The following IGSF11 variants were observed in gnomAD, a reference collection of about 807,000 sequenced individuals.
The protein encoded by IGSF11 is immunoglobulin superfamily member 11, also known as CXADR like 1.
Under a neutral mutation model 41.0 loss-of-function variants are expected in IGSF11, and 22 were observed. That is an observed-to-expected ratio of 0.54 (90% CI 0.38 to 0.77). IGSF11 has a LOEUF of 0.77. Among genes scored for constraint, IGSF11 ranks in the 30% least tolerant of loss-of-function variants. The pLI, the probability that IGSF11 is intolerant of heterozygous loss-of-function variation, is 0.00. For synonymous variants in IGSF11, 219 were observed against 201.3 expected (o/e 1.09, Z -0.74); for missense variants, 444 against 530.8 (o/e 0.84, Z 1.61).
At chr3:119,023,547 C>G (rs1939525208) in intron 1 of IGSF11, among the ~76,000 whole-genome samples, 1 of 152,102 alleles carries the variant, frequency 6.6e-6, no homozygotes, top group Non-Finnish European at 1.5e-5. Flanking sequence ...ACGCACCCCC[C>G]ACACCCAGTT....
At chr3:119,052,652 A>G (rs1941672795) in intron 1 of IGSF11, among the ~76,000 whole-genome samples, 1 of 152,178 alleles carries the variant, frequency 6.6e-6, no homozygotes, top group South Asian at 2.1e-4. Flanking sequence ...TGAATCCAGT[A>G]TTACCCTAAT....
intron 4 of IGSF11, among the ~76,000 whole-genome samples, chr3:118,917,186 C>G (rs1297111732): frequency 6.8e-6 from 1 of 146,502 alleles, no homozygotes; most frequent in Non-Finnish European, 1.5e-5. Context: ...CCTAACATCA[C>G]AATTAAAAGA....
intron 1 of IGSF11, among the ~76,000 whole-genome samples, chr3:119,122,475 C>T (rs905756240): frequency 6.6e-6 from 1 of 152,192 alleles, no homozygotes; most frequent in African/African-American, 2.4e-5. Flanking sequence ...AAGTCTAGGC[C>T]ACAAGGACTG....
intron 1 of IGSF11, among the ~76,000 whole-genome samples, chr3:119,018,586 T>TA (rs1938978776): frequency 6.6e-6 from 1 of 152,246 alleles, no homozygotes; most frequent in African/African-American, 2.4e-5. Flanking sequence ...CTCTTAACTA[T>TA]AGGTACTGGA....
At chr3:118,998,969 T>G (rs1364592614) in intron 1 of IGSF11, among the ~76,000 whole-genome samples, 1 of 152,046 alleles carries the variant, frequency 6.6e-6, no homozygotes, top group African/African-American at 2.4e-5. Flanking sequence ...ATCCATACAA[T>G]GAAATGTTAT....
chr3:119,106,747 C>T (rs139091209), upstream of IGSF11, among the ~76,000 whole-genome samples: 309 of 152,144 alleles, frequency 2.0e-3, 2 homozygotes, highest in African/African-American at 6.3e-3. Flanking sequence ...CTCCTCCCAC[C>T]CCACAACAGT....
chr3:119,130,315 A>G (rs967951863), intron 1 of IGSF11, among the ~76,000 whole-genome samples: 2 of 152,214 alleles, frequency 1.3e-5, no homozygotes, highest in Admixed American at 6.5e-5. Context: ...AAGGGAATCC[A>G]TGATAGACTG....
exon 1 of IGSF11, chr3:119,145,892 A>G (rs960135047): frequency 8.8e-6 from 3 of 341,528 alleles, no homozygotes; most frequent in African/African-American, 4.2e-5. Context: ...GTGGCGATGC[A>G]CGGAGCCCCG....
chr3:118,905,704 T>C lies in IGSF11; in HGVS notation c.595A>G (p.Thr199Ala), dbSNP rs1251383336. 4.3e-6 allele frequency: 7 copies of C among 1,613,816 alleles called. No individual in the cohort carries two copies. In the African/African-American group the frequency reaches 9.3e-5, roughly 22 times the overall value. ...GCACTGATGTTCCGGATGGTGACTG[T>C]TCCCTGGACCTGGTCTGTCACAAAA... ...PTATQDQVQG[T>A]VTIRNISALS... Residue 199 changes from threonine (T) to alanine (A), a missense_variant, in exon 5 of 7, where the codon ACA becomes GCA. Thr to Ala is a moderately conservative substitution (Grantham distance 58). This residue lies in a region of IGSF11 where 193 missense variants were observed against 283.5 expected (regional missense o/e 0.68). Transcript: ENST00000393775.
chr3:119,054,892 C>A (rs1439752839), intron 1 of IGSF11, among the ~76,000 whole-genome samples: 1 of 144,432 alleles, frequency 6.9e-6, no homozygotes, highest in East Asian at 2.1e-4. Flanking sequence ...CAAGTGGGTC[C>A]CTGACACCTG....
At chr3:118,934,258 A>G (rs1265824973) in intron 1 of IGSF11, among the ~76,000 whole-genome samples, 1 of 152,162 alleles carries the variant, frequency 6.6e-6, no homozygotes, top group Non-Finnish European at 1.5e-5. Context: ...TTGTGGCTGT[A>G]TGACACTTGT....
chr3:119,104,191 A>G (rs1479374672), intron 1 of IGSF11, among the ~76,000 whole-genome samples: 1 of 152,176 alleles, frequency 6.6e-6, no homozygotes, highest in East Asian at 1.9e-4. Context: ...GTGCAAGTCT[A>G]ATTTTGTCAA....
At chr3:119,070,227 T>C (rs931549570) in intron 1 of IGSF11, among the ~76,000 whole-genome samples, 3 of 152,228 alleles carry the variant, frequency 2.0e-5, no homozygotes, top group African/African-American at 7.2e-5. Flanking sequence ...ATGTGTTTTT[T>C]CCTTACTCTT....
At chr3:118,920,456 C>T (rs1941664444) in intron 4 of IGSF11, among the ~76,000 whole-genome samples, 1 of 151,784 alleles carries the variant, frequency 6.6e-6, no homozygotes, top group African/African-American at 2.4e-5. Flanking sequence ...GATTGAAAAC[C>T]CATCTAAATC....
rs565666361 is a variant in IGSF11 at position 118,911,768 on chromosome 3, T to C, written c.581-6050A>G. Among the ~76,000 whole-genome samples, 9 of 152,170 alleles carry C rather than the reference T, an allele frequency of 5.9e-5. No homozygotes were observed. In the East Asian group the frequency reaches 1.7e-3, roughly 29 times the overall value. ...GAGAGAGAGAGAATATCAAGATTCC[T>C]GAGTGTTACAACCACGCCAAAAGAA... On this transcript the variant is annotated intron_variant, in intron 4 of 6. Transcript: ENST00000393775.
upstream of IGSF11, among the ~76,000 whole-genome samples, chr3:119,107,381 T>C (rs1163053452): frequency 1.3e-5 from 2 of 152,252 alleles, no homozygotes; most frequent in Admixed American, 6.5e-5. Flanking sequence ...TGCATAAATG[T>C]CTTCTTTTGA....
At chr3:118,922,979 C>G (rs533659925) in intron 4 of IGSF11, among the ~76,000 whole-genome samples, 2 of 152,268 alleles carry the variant, frequency 1.3e-5, no homozygotes, top group African/African-American at 4.8e-5. Flanking sequence ...ACCTCAGGCT[C>G]TGTTCCAGAC....
At chr3:118,999,703 TTAAAA>T (rs1429338734) in intron 1 of IGSF11, among the ~76,000 whole-genome samples, 3 of 152,222 alleles carry the variant, frequency 2.0e-5, no homozygotes, top group Non-Finnish European at 2.9e-5. Flanking sequence ...AAATCATATA[TTAAAA>T]TAAACTTCAT....
At chr3:119,039,118 T>C (rs757700557), upstream of IGSF11, among the ~76,000 whole-genome samples, 5 of 152,164 alleles carry the variant, frequency 3.3e-5, no homozygotes, top group Non-Finnish European at 7.3e-5. Context: ...GATGAGTCCT[T>C]ACTGTAAATG....
Sources: allele counts gnomAD v4.1 joint callset (sites outside exome capture counted in the v4.1 genomes callset), GRCh38; gene constraint gnomAD v4.1.1; regional missense constraint gnomAD v4.1.1; transcripts MANE v1.5; gene names NCBI Gene and HGNC (gene_info 2026-07-23, HGNC 2026-07-21).